PHACTR1: variants seen among roughly 807,000 people sequenced by gnomAD.
PHACTR1 encodes RPEL repeat containing 1.
Under a neutral mutation model 69.2 loss-of-function variants are expected in PHACTR1, and 16 were observed. The observed-to-expected ratio is 0.23, with a 90% CI of 0.16 to 0.35. The LOEUF is 0.35. Among genes scored for constraint, PHACTR1 ranks in the 10% least tolerant of loss-of-function variants. The pLI is 1.00. For synonymous variants in PHACTR1, 312 were observed against 284.5 expected, an observed-to-expected ratio of 1.10 and a Z score of -0.97; for missense variants, 510 against 734.7, an observed-to-expected ratio of 0.69 and a Z score of 3.54.
chr6:13,253,514 CTCTT>C (rs2127403242), intron 10 of PHACTR1, among the ~76,000 whole-genome samples: 2 of 152,338 alleles, frequency 1.3e-5, no homozygotes, highest in African/African-American at 4.8e-5. Context: ...AGAACTTCCT[CTCTT>C]TATTTGATCA....
chr6:12,744,381 G>T (rs538784793), intron 3 of PHACTR1, among the ~76,000 whole-genome samples: 3 of 152,168 alleles, frequency 2.0e-5, no homozygotes, highest in Middle Eastern at 3.4e-3. Flanking sequence ...AAATTTTGGA[G>T]AAATCAGGAA....
At chr6:13,062,893 G>A (rs796135596) in intron 5 of PHACTR1, among the ~76,000 whole-genome samples, 1 of 152,180 alleles carries the variant, frequency 6.6e-6, no homozygotes, top group African/African-American at 2.4e-5. Flanking sequence ...TAGCTCTTGA[G>A]CTGGAAGCTT....
chr6:12,951,189 C>G (rs747671919), intron 4 of PHACTR1, among the ~76,000 whole-genome samples: 1 of 152,204 alleles, frequency 6.6e-6, no homozygotes, highest in Non-Finnish European at 1.5e-5. Context: ...GGCCTCTGAT[C>G]TCATTCCTGT....
intron 4 of PHACTR1, among the ~76,000 whole-genome samples, chr6:12,816,808 A>G (rs753208409): frequency 2.6e-5 from 4 of 152,222 alleles, no homozygotes; most frequent in Non-Finnish European, 5.9e-5. Flanking sequence ...TTTGAGGAAG[A>G]TGACCAAATT....
At chr6:12,900,463 T>C (rs890303201) in intron 4 of PHACTR1, among the ~76,000 whole-genome samples, 5 of 152,174 alleles carry the variant, frequency 3.3e-5, no homozygotes, top group African/African-American at 7.2e-5. Flanking sequence ...GAAGCTGAGG[T>C]GAGTGGATTG....
rs1761835032 is a variant in PHACTR1 at position 13,179,279 on chromosome 6, A to G, written c.497-3240A>G. ...ACAACAACAAACCCAGTACTGATAT[A>G]TAAATAGCAGGACATGGAGAGACTA... On this transcript the variant is annotated intron_variant, in intron 6 of 14. Transcript: ENST00000332995. This position sits in a 1 kb window ranked among gnomAD's most constrained non-coding sequence, Gnocchi z 4.2. Among the ~76,000 whole-genome samples, 3 of 152,220 alleles carry G rather than the reference A, an allele frequency of 2.0e-5. No individual in the cohort carries two copies. In the South Asian group the frequency reaches 6.2e-4, roughly 32 times the overall value.
intron 4 of PHACTR1, among the ~76,000 whole-genome samples, chr6:12,825,434 G>T (rs1776691693): frequency 6.6e-6 from 1 of 152,076 alleles, no homozygotes; most frequent in Non-Finnish European, 1.5e-5. Flanking sequence ...ACAGCTTCTT[G>T]TTTAGTGTGG....
intron 4 of PHACTR1, among the ~76,000 whole-genome samples, chr6:12,823,642 TG>T (rs1776455290): frequency 2.6e-5 from 4 of 152,216 alleles, no homozygotes; most frequent in Admixed American, 2.0e-4. Context: ...AACACAGTTT[TG>T]TATTGAATTA....
At chr6:13,169,134 G>A (rs1464484662) in intron 6 of PHACTR1, among the ~76,000 whole-genome samples, 1 of 152,132 alleles carries the variant, frequency 6.6e-6, no homozygotes, top group African/African-American at 2.4e-5. Flanking sequence ...AGGTCTAAAG[G>A]GACTTGTGAC....
At chr6:12,866,849 T>A (rs1213285790) in intron 4 of PHACTR1, among the ~76,000 whole-genome samples, 1 of 152,210 alleles carries the variant, frequency 6.6e-6, no homozygotes, top group Non-Finnish European at 1.5e-5. Flanking sequence ...CTAAACTAGC[T>A]TTCTGTTTGT....
chr6:13,267,973 A>G (rs1243221978), intron 10 of PHACTR1: 1 of 152,102 alleles, frequency 6.6e-6, no homozygotes, highest in Non-Finnish European at 1.5e-5. Context: ...CAGGCTCAAA[A>G]AAAGTATAAC....
intron 3 of PHACTR1, among the ~76,000 whole-genome samples, chr6:12,730,941 C>A (rs954532407): frequency 2.6e-5 from 4 of 152,106 alleles, no homozygotes; most frequent in African/African-American, 9.7e-5. Context: ...TTTCTTATGG[C>A]TGTGGTACAT....
At chr6:12,870,555 G>T (rs1048979690) in intron 4 of PHACTR1, among the ~76,000 whole-genome samples, 1 of 152,144 alleles carries the variant, frequency 6.6e-6, no homozygotes, top group African/African-American at 2.4e-5. Context: ...TATTTGAAGG[G>T]TCTGTGTCTC....
Position 13,228,016 on chromosome 6 carries a change from A to C in PHACTR1, c.1187A>C (p.Glu396Ala). 6.2e-7 allele frequency: 1 copy of C among 1,613,890 alleles called. No homozygotes were observed. Among genetic ancestry groups the C allele is most frequent in the Non-Finnish European group, 8.5e-7 (1 of 1,179,814 alleles). Reference protein sequence around the residue: ...EDSSCLYTREEEEEEEDEDDD... With the variant: ...EDSSCLYTREAEEEEEDEDDD... ...TCTTCTTGCCTGTATACAAGAGAAG[A>C]GGAGGAAGAGGAGGAGGACGAAGAC... is the stretch of plus-strand genomic sequence containing the variant. Residue 396 changes from glutamate (E) to alanine (A), a missense_variant, in exon 9 of 15, where the codon GAG becomes GCG. Glu to Ala is a moderately radical substitution (Grantham distance 107). Transcript: ENST00000332995.
At chr6:13,209,646 G>T (rs1219647458) in intron 8 of PHACTR1, among the ~76,000 whole-genome samples, 3 of 152,178 alleles carry the variant, frequency 2.0e-5, no homozygotes. Context: ...ATCAATGAAA[G>T]GGGCCTTGAA....
chr6:13,117,204 A>G (rs1186219301), intron 5 of PHACTR1, among the ~76,000 whole-genome samples: 1 of 152,208 alleles, frequency 6.6e-6, no homozygotes, highest in Non-Finnish European at 1.5e-5. Flanking sequence ...TCTCCTTTAA[A>G]TTAAAAGTCA....
intron 5 of PHACTR1, among the ~76,000 whole-genome samples, chr6:13,144,985 C>A (rs1419581430): frequency 6.6e-6 from 1 of 152,084 alleles, no homozygotes; most frequent in Non-Finnish European, 1.5e-5. Context: ...CATATATAAA[C>A]ATCTAATTCA....
chr6:13,075,479 G>T (rs1037070739), intron 5 of PHACTR1, among the ~76,000 whole-genome samples: 11 of 152,116 alleles, frequency 7.2e-5, no homozygotes, highest in Non-Finnish European at 1.6e-4. Flanking sequence ...CTGACTTGAG[G>T]TTCTTTTAGT....
intron 4 of PHACTR1, among the ~76,000 whole-genome samples, chr6:13,047,410 C>A (rs1376401934): frequency 6.8e-6 from 1 of 146,098 alleles, no homozygotes; most frequent in Non-Finnish European, 1.5e-5. Flanking sequence ...AAAGGCAGTG[C>A]TGCTGCTTCA....
Sources: gnomAD v4.1 joint callset for allele counts (sites outside exome capture counted in the v4.1 genomes callset) on GRCh38, gnomAD v4.1.1 for gene constraint, Gnocchi (gnomAD v3.1) non-coding constraint, MANE v1.5 for transcripts, NCBI Gene and HGNC (gene_info 2026-07-23, HGNC 2026-07-21) for gene names.